Variants in C2CD5 observed in about 807,000 individuals in gnomAD.
The protein encoded by C2CD5 is C2 calcium dependent domain containing 5, also known as C2 domain-containing protein 5.
C2CD5 carries 109 observed loss-of-function variants against 130.3 expected under a neutral mutation model. The observed-to-expected ratio is 0.84, with a 90% CI of 0.72 to 0.98. C2CD5 has a LOEUF of 0.98. Among genes scored for constraint, C2CD5 ranks in the 50% least tolerant of loss-of-function variants. The pLI is 0.00. For missense variants in C2CD5, 996 were observed against 1,261.8 expected (o/e 0.79, Z 3.19); for synonymous variants, 454 against 429.2 (o/e 1.06, Z -0.71).
chr12:22,512,290 T>G (rs945217682), intron 9 of C2CD5, among the ~76,000 whole-genome samples: 1 of 152,186 alleles, frequency 6.6e-6, no homozygotes, highest in African/African-American at 2.4e-5. Flanking sequence ...TTTTATGAAA[T>G]GTATCCTTTT....
At chr12:22,542,670 T>C (rs979359685) in intron 2 of C2CD5, among the ~76,000 whole-genome samples, 2 of 152,210 alleles carry the variant, frequency 1.3e-5, no homozygotes, top group African/African-American at 4.8e-5. Flanking sequence ...AATACAATAC[T>C]CATCACTTTG....
intron 9 of C2CD5, among the ~76,000 whole-genome samples, chr12:22,510,520 T>A (rs916289147): frequency 6.6e-6 from 1 of 152,230 alleles, no homozygotes; most frequent in African/African-American, 2.4e-5. Context: ...TTAAATAGTT[T>A]ATTCTTTAAA....
chr12:22,472,143 T>C, intron 18 of C2CD5, 78 bp from the exon 19 acceptor site: 1 of 928,488 alleles, frequency 1.1e-6, no homozygotes. Flanking sequence ...TGCCAAATAA[T>C]GAACAATACT....
chr12:22,453,293 T>A (rs1939100322), intron 26 of C2CD5, among the ~76,000 whole-genome samples: 1 of 152,136 alleles, frequency 6.6e-6, no homozygotes, highest in African/African-American at 2.4e-5. Context: ...AGAAATAGGA[T>A]TTTTGATGTG....
At chr12:22,523,768 G>A in intron 6 of C2CD5, 144 bp from the exon 7 acceptor site, 1 of 626,178 alleles carries the variant, frequency 1.6e-6, no homozygotes. Flanking sequence ...AAGATAATCT[G>A]GTTTAGCCTC....
In C2CD5 at chr12:22,448,941, ATCT is replaced by A. The variant is rs1349811419; in HGVS notation, c.*816_*818del. On this transcript the variant is annotated 3_prime_UTR_variant, in exon 27 of 27. Transcript: ENST00000446597. ...GTTTATTTGGTAGGAGTGCAATATT[ATCT>A]TATTAGGAAATAATTTTATGTTCCT... 2 of 152,478 alleles carry A rather than the reference ATCT, an allele frequency of 1.3e-5. No individual in the cohort carries two copies. The highest frequency in any genetic ancestry group is 1.3e-4 in the Admixed American group (2 of 15,260). 9.4% of individuals were successfully genotyped at this position (152,478 alleles called of 1,614,324 possible).
chr12:22,472,474 T>C (rs1470851220), intron 17 of C2CD5, 127 bp from the exon 18 acceptor site: 6 of 632,764 alleles, frequency 9.5e-6, no homozygotes, highest in African/African-American at 3.7e-5. Flanking sequence ...TCTAAAACTA[T>C]ACCTGCAGGA....
intron 14 of C2CD5, among the ~76,000 whole-genome samples, chr12:22,481,747 C>T (rs571239959): frequency 6.7e-6 from 1 of 148,540 alleles, no homozygotes; most frequent in African/African-American, 2.5e-5. Flanking sequence ...CTCAACCTCC[C>T]AGGACTCAAT....
Position 22,484,746 on chromosome 12 carries a change from G to T in C2CD5, c.1501C>A (p.Leu501Ile). ...CCAATAACTGTTGCATCTGTTGGGA[G>T]GTCTATAGTTGTAAACAGAACATCA... Reference protein sequence around the residue: ...VPDVLFTTIDLPTDATVIGKG... With the variant: ...VPDVLFTTIDIPTDATVIGKG... The change falls in exon 13 of 27, where the codon CTC becomes ATC. Residue 501 changes from leucine to isoleucine, a missense_variant. Leu to Ile is a conservative substitution (Grantham distance 5, BLOSUM62 2). Transcript: ENST00000446597. 1 of 1,602,268 alleles carries T rather than the reference G, an allele frequency of 6.2e-7. No individual in the cohort carries two copies. Among genetic ancestry groups the T allele is most frequent in the Non-Finnish European group, 8.5e-7 (1 of 1,175,202 alleles).
intron 2 of C2CD5, among the ~76,000 whole-genome samples, chr12:22,538,560 G>A (rs181671874): frequency 7.9e-5 from 12 of 152,226 alleles, no homozygotes; most frequent in African/African-American, 2.9e-4. Context: ...GTCACTTAAC[G>A]GAGGTTGTTA....
At chr12:22,512,768 A>G (rs1490816374) in intron 9 of C2CD5, 3 of 866,514 alleles carry the variant, frequency 3.5e-6, no homozygotes, top group African/African-American at 1.7e-5. Context: ...ATGAACAAAT[A>G]TAGCTAAATC....
chr12:22,505,077 G>A (rs918519123), intron 10 of C2CD5, among the ~76,000 whole-genome samples: 2 of 152,024 alleles, frequency 1.3e-5, no homozygotes, highest in Non-Finnish European at 2.9e-5. Context: ...CTCATTCAGG[G>A]TCCAGAGAAT....
rs1245651131 is a variant in C2CD5 at position 22,523,461 on chromosome 12, A to G, written c.765T>C (p.Leu255=). ...LDKLSSPAAF[L]PACNSPSKEM... is the part of the protein sequence containing the mutation. Reference sequence around the variant, plus strand: ...CTTTGGATGGGGAATTACATGCAGGAAGGAATGCTGCTGGGCTACTTAATT... The same window carrying G: ...CTTTGGATGGGGAATTACATGCAGGGAGGAATGCTGCTGGGCTACTTAATT... The change falls in exon 7 of 27, where the codon CTT becomes CTC. Residue 255 remains leucine (L), a synonymous_variant. Coordinates refer to ENST00000446597, the MANE Select transcript of C2CD5 (RefSeq NM_001286176.2). 6.2e-7 allele frequency: 1 copy of G among 1,613,896 alleles called. No homozygotes were observed. Among genetic ancestry groups the G allele is most frequent in the African/African-American group, 1.3e-5 (1 of 74,918 alleles).
chr12:22,510,118 T>C (rs1949025577), intron 9 of C2CD5, among the ~76,000 whole-genome samples: 2 of 152,246 alleles, frequency 1.3e-5, no homozygotes, highest in South Asian at 2.1e-4. Context: ...GGCAGGAGAA[T>C]TGCTTGAACC....
At chr12:22,457,460 G>A (rs901258621) in intron 24 of C2CD5, among the ~76,000 whole-genome samples, 1 of 152,122 alleles carries the variant, frequency 6.6e-6, no homozygotes, top group Non-Finnish European at 1.5e-5. Context: ...AAGAAAAAGC[G>A]GCTGAGCATT....
intron 10 of C2CD5, among the ~76,000 whole-genome samples, chr12:22,499,097 A>G (rs1350840716): frequency 1.3e-5 from 2 of 152,252 alleles, no homozygotes; most frequent in Admixed American, 6.5e-5. Flanking sequence ...AGTTAGGACT[A>G]TTAAAACTTG....
chr12:22,535,329 T>C lies in C2CD5; in HGVS notation c.106A>G (p.Thr36Ala). Residue 36 changes from threonine (T) to alanine (A), a missense_variant, in exon 3 of 27, where the codon ACC becomes GCC. Physicochemically the swap from Thr to Ala is moderately conservative, Grantham distance 58. Around this residue, in one of 9 missense-constraint regions of C2CD5, gnomAD observed 68 missense variants for 154.5 expected, o/e 0.44. Coordinates refer to ENST00000446597, the MANE Select transcript of C2CD5 (RefSeq NM_001286176.2). The part of the protein sequence containing the change: ...DAFVEVKFGN[T>A]TFKTDVYLKS... ...AGGTACACATCTGTTTTAAAGGTGGTATTACCAAATTTTACCTAAAAACAA... is the reference window on the plus strand; with the variant it reads ...AGGTACACATCTGTTTTAAAGGTGGCATTACCAAATTTTACCTAAAAACAA... The C allele has an allele frequency of 6.3e-7, 1 of 1,575,788 alleles. No homozygotes were observed.
Position 22,457,006 on chromosome 12 carries a change from T to C in C2CD5, c.2842A>G (p.Met948Val). Residue 948 changes from methionine (M) to valine (V), a missense_variant, in exon 25 of 27, where the codon ATG (methionine) becomes GTG (valine). Transcript: ENST00000446597. ...KITKYLGIIN[M>V]FFIRETTSLR... ...GAAGTAGTCTCTCGAATAAAAAACA[T>C]GTTAATTATCCCAAGATACTTAGTT... 1 of 1,600,616 alleles carries C rather than the reference T, an allele frequency of 6.2e-7. No individual in the cohort carries two copies. The highest frequency in any genetic ancestry group is 8.5e-7 in the Non-Finnish European group (1 of 1,172,112).
At chr12:22,488,916 G>A (rs1945974197) in intron 12 of C2CD5, among the ~76,000 whole-genome samples, 1 of 150,716 alleles carries the variant, frequency 6.6e-6, no homozygotes, top group East Asian at 1.9e-4. Flanking sequence ...CTGTTGCCCA[G>A]GTTAGAGAAC....
Sources: gnomAD v4.1 joint callset for allele counts (sites outside exome capture counted in the v4.1 genomes callset) on GRCh38, gnomAD v4.1.1 for gene constraint, gnomAD v4.1.1 regional missense constraint, MANE v1.5 for transcripts, NCBI Gene and HGNC (gene_info 2026-07-23, HGNC 2026-07-21) for gene names.